THRB: variants seen among roughly 807,000 people sequenced by gnomAD.
THRB encodes the protein thyroid hormone receptor beta.
THRB carries 12 observed loss-of-function variants against 47.8 expected under a neutral mutation model. The ratio of observed to expected loss-of-function variants is 0.25; its 90% CI spans 0.16 to 0.41. The LOEUF is 0.41. Ranked by LOEUF, THRB falls within the 10% of genes least tolerant of loss-of-function variation. The pLI is 1.00. For synonymous variants in THRB, 218 were observed against 212.2 expected (o/e 1.03, Z -0.24); for missense variants, 348 against 589.2 (o/e 0.59, Z 4.24).
chr3:24,255,288 T>G (rs1304858104), intron 3 of THRB, among the ~76,000 whole-genome samples: 1 of 152,220 alleles, frequency 6.6e-6, no homozygotes, highest in African/African-American at 2.4e-5. Context: ...TGCCTTTTAC[T>G]GATTAACCCC....
intron 1 of THRB, among the ~76,000 whole-genome samples, chr3:24,436,295 C>T (rs1193459719): frequency 1.3e-5 from 2 of 151,976 alleles, no homozygotes; most frequent in Non-Finnish European, 1.5e-5. Flanking sequence ...GAAAGCCCAG[C>T]ACTGTAAGGG....
chr3:24,481,229 G>GTTTTGTTTTTTTTTTTT (rs1696316795), intron 1 of THRB, among the ~76,000 whole-genome samples: 1 of 55,380 alleles, frequency 1.8e-5, no homozygotes, highest in African/African-American at 7.7e-5. Context: ...GTTTCTTTCT[G>GTTTTGTTTTTTTTTTTT]TTTTTTTTTT....
chr3:24,409,711 G>T (rs893083659), intron 1 of THRB, among the ~76,000 whole-genome samples: 2 of 151,840 alleles, frequency 1.3e-5, no homozygotes, highest in Non-Finnish European at 2.9e-5. Context: ...CATGCATTTT[G>T]AAACAAGAGA....
chr3:24,468,376 T>C (rs2074309484), intron 1 of THRB, among the ~76,000 whole-genome samples: 1 of 152,250 alleles, frequency 6.6e-6, no homozygotes, highest in African/African-American at 2.4e-5. Flanking sequence ...CCTTTGCATG[T>C]ACAATTTGGC....
intron 1 of THRB, among the ~76,000 whole-genome samples, chr3:24,427,731 A>G (rs752761634): frequency 1.3e-5 from 2 of 152,162 alleles, no homozygotes; most frequent in African/African-American, 2.4e-5. Context: ...GTAAGCTAAT[A>G]GAGAGTATTA....
At chr3:24,394,724 C>T (rs2066823904) in intron 1 of THRB, among the ~76,000 whole-genome samples, 1 of 152,110 alleles carries the variant, frequency 6.6e-6, no homozygotes, top group African/African-American at 2.4e-5. Context: ...ACAGGTCACA[C>T]ACTGTAGTTT....
chr3:24,199,308 G>T (rs868489906), intron 4 of THRB, among the ~76,000 whole-genome samples: 1 of 152,140 alleles, frequency 6.6e-6, no homozygotes, highest in Non-Finnish European at 1.5e-5. Flanking sequence ...GCAAAGTCTT[G>T]CAAAATTAGC....
intron 4 of THRB, among the ~76,000 whole-genome samples, chr3:24,196,679 T>C (rs945331139): frequency 3.3e-5 from 5 of 152,104 alleles, no homozygotes; most frequent in Admixed American, 6.6e-5. Flanking sequence ...ACAGCAGAAG[T>C]TGTGTTTTAA....
chr3:24,209,454 A>G (rs1465569733), intron 4 of THRB, among the ~76,000 whole-genome samples: 1 of 152,256 alleles, frequency 6.6e-6, no homozygotes, highest in East Asian at 1.9e-4. Context: ...AGACTGGATT[A>G]AGAAAATGTG....
At chr3:24,165,274 G>A (rs780453091) in intron 5 of THRB, 1 of 765,130 alleles carries the variant, frequency 1.3e-6, no homozygotes, top group Admixed American at 1.7e-5. Context: ...CAAAATACGC[G>A]TAATAATCAG....
At chr3:24,277,510 G>A (rs1399776193) in intron 3 of THRB, among the ~76,000 whole-genome samples, 1 of 152,130 alleles carries the variant, frequency 6.6e-6, no homozygotes, top group East Asian at 1.9e-4. Flanking sequence ...TCTCTAACAA[G>A]TTCCCCGGTG....
At chr3:24,406,342 C>T (rs2067826759) in intron 1 of THRB, among the ~76,000 whole-genome samples, 1 of 151,568 alleles carries the variant, frequency 6.6e-6, no homozygotes, top group Admixed American at 6.6e-5. Context: ...GAGTTTTTAT[C>T]AGCAATTATA....
At chr3:24,396,643 CCT>C (rs957021523) in intron 1 of THRB, among the ~76,000 whole-genome samples, 2 of 152,114 alleles carry the variant, frequency 1.3e-5, no homozygotes, top group African/African-American at 2.4e-5. Context: ...CCTCCGATTT[CCT>C]CTGTTTTCAC....
At chr3:24,258,694 G>A (rs2051593822) in intron 3 of THRB, among the ~76,000 whole-genome samples, 1 of 152,122 alleles carries the variant, frequency 6.6e-6, no homozygotes, top group Non-Finnish European at 1.5e-5. Flanking sequence ...AATACCAACA[G>A]CTTTTACTCT....
At chr3:24,361,908 C>G (rs1404158792) in intron 1 of THRB, among the ~76,000 whole-genome samples, 1 of 152,136 alleles carries the variant, frequency 6.6e-6, no homozygotes, top group East Asian at 1.9e-4. Flanking sequence ...ACACCCAATA[C>G]TACTTGCCCA....
At chr3:24,461,940 T>C (rs1235578313) in intron 1 of THRB, among the ~76,000 whole-genome samples, 1 of 152,178 alleles carries the variant, frequency 6.6e-6, no homozygotes, top group African/African-American at 2.4e-5. Flanking sequence ...TAATATTCAA[T>C]GACATGGAAT....
chr3:24,137,855 A>G (rs527648345), intron 8 of THRB, among the ~76,000 whole-genome samples: 1 of 152,138 alleles, frequency 6.6e-6, no homozygotes, highest in Admixed American at 6.5e-5. Context: ...GCTGAAGTGC[A>G]CTATGGGGAT....
At chr3:24,147,190 G>A (rs530115431) in intron 6 of THRB, among the ~76,000 whole-genome samples, 2 of 152,126 alleles carry the variant, frequency 1.3e-5, no homozygotes, top group South Asian at 2.1e-4. Context: ...TAAGCTATGA[G>A]GAGTTTTGCT....
rs570088457 is a variant in THRB, at chr3:24,437,234, A to G, written c.-261+57418T>C. On this transcript the variant is annotated intron_variant, in intron 1 of 10. Coordinates refer to ENST00000646209, the MANE Select transcript of THRB (RefSeq NM_001354712.2). ...AACATGAAATCCTCTCATTTGCAGC[A>G]ATATGGAACAGAATTGGAGGTCATT... Among the ~76,000 whole-genome samples the G allele has an allele frequency of 9.9e-5, 15 of 151,706 alleles. No homozygotes were observed. In the East Asian group the frequency reaches 2.9e-3, roughly 29 times the overall value.
Sources: gnomAD v4.1 joint callset for allele counts (sites outside exome capture counted in the v4.1 genomes callset) on GRCh38, gnomAD v4.1.1 for gene constraint, MANE v1.5 for transcripts, NCBI Gene and HGNC (gene_info 2026-07-23, HGNC 2026-07-21) for gene names.